Variants in PLXNA1 observed in about 807,000 individuals in gnomAD.
PLXNA1 encodes the protein plexin A1, also known as plexin-A1.
Under a neutral mutation model 191.7 loss-of-function variants are expected in PLXNA1, and 77 were observed. The observed-to-expected ratio is 0.40, with a 90% CI of 0.33 to 0.49. The LOEUF (loss-of-function observed/expected upper bound fraction) is 0.49. Ranked by LOEUF, PLXNA1 falls within the 20% of genes least tolerant of loss-of-function variation. The pLI, the probability that PLXNA1 is intolerant of heterozygous loss-of-function variation, is 0.63. For synonymous variants in PLXNA1, 1,137 were observed against 1,156.4 expected, an observed-to-expected ratio of 0.98 and a Z score of 0.34; for missense variants, 2,110 against 2,660.2, an observed-to-expected ratio of 0.79 and a Z score of 4.55.
chr3:127,018,004 A>G, intron 19 of PLXNA1, 112 bp downstream of exon 19: 1 of 1,427,608 alleles, frequency 7.0e-7, no homozygotes, highest in Non-Finnish European at 9.4e-7. Flanking sequence ...CCCCTAGCTC[A>G]GAGGGCGCCC....
intron 14 of PLXNA1, 93 bp from the exon 15 acceptor site, chr3:127,015,091 G>C (rs1365020178): frequency 6.6e-7 from 1 of 1,517,924 alleles, no homozygotes; most frequent in African/African-American, 1.4e-5. Context: ...CTGGGGAACT[G>C]TCTGTGGGGG....
At chr3:127,010,403 A>G (rs9816590) in intron 9 of PLXNA1, among the ~76,000 whole-genome samples, 17,080 of 152,096 alleles carry the variant, frequency 0.11, 1,045 homozygotes, top group South Asian at 0.22. Context: ...TTTCAGCCTA[A>G]TCCTGACTCA....
At chr3:126,984,305 G>C (rs1038404133) in intron 1 of PLXNA1, among the ~76,000 whole-genome samples, 5 of 152,220 alleles carry the variant, frequency 3.3e-5, no homozygotes, top group Non-Finnish European at 7.3e-5. Context: ...TGTGTGTGCC[G>C]GGGAGGGGAC....
intron 3 of PLXNA1, among the ~76,000 whole-genome samples, chr3:127,001,309 T>C (rs1389174270): frequency 6.6e-6 from 1 of 151,968 alleles, no homozygotes; most frequent in Non-Finnish European, 1.5e-5. Flanking sequence ...AGGGTCAGGC[T>C]CCGGCATCAT....
At chr3:126,989,849 G>A (rs1284429471) in intron 2 of PLXNA1, 62 bp downstream of exon 2, 21 of 1,363,010 alleles carry the variant, frequency 1.5e-5, no homozygotes, top group Non-Finnish European at 2.0e-5. Flanking sequence ...CGACGGCATC[G>A]GTGTCAGATG....
chr3:127,002,858 C>T (rs2079047396), intron 3 of PLXNA1, among the ~76,000 whole-genome samples: 1 of 152,166 alleles, frequency 6.6e-6, no homozygotes, highest in African/African-American at 2.4e-5. Context: ...ACCCCTAGGA[C>T]ACCCCATTCT....
rs757626138 is a variant in PLXNA1 at position 127,014,554 on chromosome 3, A to T, written c.2681A>T (p.Glu894Val). Residue 894 changes from glutamate (E) to valine (V), a missense_variant, in exon 13 of 32, where the codon GAA (glutamate) becomes GTA (valine). Glu to Val is a moderately radical substitution (Grantham distance 121). Transcript: ENST00000393409. ...GGCGAGAACCTGGGCCTGCGATTCG[A>T]AGACGTGCGTCTGGGCGTGCGCGTG... is the stretch of plus-strand genomic sequence containing the variant. ...ITGENLGLRF[E>V]DVRLGVRVGK... 1.8e-5 allele frequency: 29 copies of T among 1,612,106 alleles called. No homozygotes were observed. The highest frequency in any genetic ancestry group is 3.3e-4 in the Middle Eastern group (2 of 6,084).
intron 15 of PLXNA1, 114 bp downstream of exon 15, chr3:127,015,434 A>G: frequency 9.6e-6 from 13 of 1,352,882 alleles, no homozygotes; most frequent in Non-Finnish European, 1.2e-5. Context: ...GGCTGGGGTG[A>G]TCACTGTGAA....
intron 3 of PLXNA1, among the ~76,000 whole-genome samples, chr3:127,000,389 A>G (rs528555790): frequency 6.6e-6 from 1 of 152,218 alleles, no homozygotes; most frequent in African/African-American, 2.4e-5. Context: ...GGGTGGCCCG[A>G]AAGTGGACAG....
At position 127,003,617 on chromosome 3, in the gene PLXNA1, C is replaced by T. The variant is rs77522600; in HGVS notation, c.1518+147C>T. 3.7e-3 allele frequency: 3,524 copies of T among 960,740 alleles called. 101 individuals carry two copies. The Admixed American group carries it at 0.05, about 14-fold the overall frequency. The allele number at this position is 960,740 out of a possible 1,614,324, so 59.5% of individuals were successfully genotyped here. ...AAGTAGTTTCAAGCTGGTCTGTGCT[C>T]TGCCTCCCTGCAGACTTGTGGGCTC... On this transcript the variant is annotated intron_variant, in intron 4 of 31. Transcript: ENST00000393409.
chr3:126,998,743 G>A (rs2079026071), intron 3 of PLXNA1, among the ~76,000 whole-genome samples: 1 of 152,194 alleles, frequency 6.6e-6, no homozygotes, highest in Non-Finnish European at 1.5e-5. Flanking sequence ...GTTGCTGCTG[G>A]GGCAGGCTGG....
At position 127,017,905 on chromosome 3, in the gene PLXNA1, A is replaced by G. The variant is rs370494371; in HGVS notation, c.3660+13A>G. The G allele has an allele frequency of 5.0e-6, 8 of 1,611,170 alleles. No individual in the cohort carries two copies. The highest frequency in any genetic ancestry group is 5.9e-6 in the Non-Finnish European group (7 of 1,179,810). ...GCACAAGGTCACGGTGCGTCTGTCC[A>G]CCGGGGGTGCAGAGCTGGGAGAGCC... On this transcript the variant is annotated intron_variant, in intron 19 of 31. Transcript: ENST00000393409.
At chr3:127,016,759 C>T in intron 16 of PLXNA1, 75 bp downstream of exon 16, 3 of 1,545,160 alleles carry the variant, frequency 1.9e-6, no homozygotes, top group Non-Finnish European at 2.7e-6. Context: ...TTCCACTGGG[C>T]ACTTGGCGGT....
rs537753219 is a variant in PLXNA1, at chr3:127,030,123, T to C, written c.5061+59T>C. The C allele has an allele frequency of 5.3e-5, 84 of 1,596,080 alleles. 2 individuals are homozygous for C. The South Asian group carries it at 7.5e-4, about 14-fold the overall frequency. On this transcript the variant is annotated intron_variant, in intron 28 of 31. Transcript: ENST00000393409. ...CTGGGCCAACTGAGCTCAGAGAAAG[T>C]GCCAAGCCCAGAGCAAGGGCCTCAC...
chr3:127,022,117 G>A lies in PLXNA1; in HGVS notation c.4071G>A (p.Leu1357=), dbSNP rs760526745. ...VQANVEKSLT[L]FGQLLTKKHF... is the part of the protein sequence containing the mutation. ...CCAATGTGGAGAAGTCGCTGACACT[G>A]TTCGGGCAGCTGCTGACCAAGAAGC... is the stretch of plus-strand genomic sequence containing the variant. The change falls in exon 22 of 32, where the codon CTG becomes CTA. Residue 1357 remains leucine, a synonymous_variant. Transcript: ENST00000393409. The A allele has an allele frequency of 1.4e-5, 22 of 1,613,038 alleles. No individual in the cohort carries two copies. The highest frequency in any genetic ancestry group is 1.6e-4 in the Middle Eastern group (1 of 6,082).
At chr3:127,017,257 G>A (rs1269135744) in intron 17 of PLXNA1, among the ~76,000 whole-genome samples, 168 bp from the exon 18 acceptor site, 2 of 152,202 alleles carry the variant, frequency 1.3e-5, no homozygotes, top group Non-Finnish European at 2.9e-5. Flanking sequence ...TCTCCTTCAG[G>A]CCACATGTCC....
chr3:127,009,116 G>A (rs1239242205), intron 9 of PLXNA1, among the ~76,000 whole-genome samples: 3 of 152,186 alleles, frequency 2.0e-5, no homozygotes, highest in Non-Finnish European at 4.4e-5. Flanking sequence ...AGTCACTGTG[G>A]GGATGATGTG....
Position 127,030,681 on chromosome 3 carries a change from G to A in PLXNA1, c.5231+269G>A, listed in dbSNP as rs149590925. 3.9e-3 allele frequency among the ~76,000 whole-genome samples: 598 copies of A among 152,364 alleles called. 1 individual carries two copies. The highest frequency in any genetic ancestry group is 7.1e-3 in the Admixed American group (108 of 15,308). Reference sequence around the variant, plus strand: ...TGCAGGTGTGAGTGGCTCTGGGTGTGCACAGCTGTGCGGACATGAGTGTGG... The same window carrying A: ...TGCAGGTGTGAGTGGCTCTGGGTGTACACAGCTGTGCGGACATGAGTGTGG... On this transcript the variant is annotated intron_variant, in intron 29 of 31. Transcript: ENST00000393409.
chr3:127,029,188 C>A, intron 26 of PLXNA1, 92 bp downstream of exon 26: 1 of 1,046,100 alleles, frequency 9.6e-7, no homozygotes, highest in Non-Finnish European at 1.4e-6. Context: ...GTGGGCTGGA[C>A]AGCAGCTGGA....
Sources: gnomAD v4.1 joint callset for allele counts (sites outside exome capture counted in the v4.1 genomes callset) on GRCh38, gnomAD v4.1.1 for gene constraint, MANE v1.5 for transcripts, NCBI Gene and HGNC (gene_info 2026-07-23, HGNC 2026-07-21) for gene names.